PEX5L: variants seen among roughly 807,000 people sequenced by gnomAD.
PEX5L encodes PEX5-related protein.
Under a neutral mutation model 84.0 loss-of-function variants are expected in PEX5L, and 30 were observed. The ratio of observed to expected loss-of-function variants is 0.36; its 90% confidence interval spans 0.27 to 0.48. The LOEUF (loss-of-function observed/expected upper bound fraction) is 0.48. Among genes scored for constraint, PEX5L ranks in the 20% least tolerant of loss-of-function variants. PEX5L has a pLI of 0.99. For synonymous variants in PEX5L, 270 were observed against 283.1 expected (o/e 0.95, Z 0.46); for missense variants, 533 against 754.6 (o/e 0.71, Z 3.44).
At chr3:179,929,161 T>C (rs1386292969) in intron 2 of PEX5L, among the ~76,000 whole-genome samples, 1 of 152,176 alleles carries the variant, frequency 6.6e-6, no homozygotes, top group Non-Finnish European at 1.5e-5. Flanking sequence ...AGTGACATGT[T>C]TAGAAACCCT....
At chr3:179,932,128 A>G in intron 2 of PEX5L, among the ~76,000 whole-genome samples, 1 of 152,288 alleles carries the variant, frequency 6.6e-6, no homozygotes, top group East Asian at 1.9e-4. Flanking sequence ...TAAACAAAAC[A>G]TTATGCAGCT....
intron 8 of PEX5L, among the ~76,000 whole-genome samples, chr3:179,835,709 A>G (rs1734690254): frequency 6.6e-6 from 1 of 152,256 alleles, no homozygotes; most frequent in East Asian, 1.9e-4. Flanking sequence ...TAAATATTTA[A>G]GGAAAATAAA....
At chr3:179,808,178 A>G (rs1365298647) in intron 13 of PEX5L, 94 bp downstream of exon 13, 2 of 1,026,684 alleles carry the variant, frequency 1.9e-6, no homozygotes, top group African/African-American at 1.6e-5. Context: ...GAGTCAGGGA[A>G]ATAAAGTGCA....
chr3:179,962,009 G>A (rs566264583), intron 2 of PEX5L, among the ~76,000 whole-genome samples: 29 of 152,380 alleles, frequency 1.9e-4, no homozygotes, highest in African/African-American at 7.0e-4. Flanking sequence ...TAATCCCAGA[G>A]TAGTTTAGGA....
rs1336939903 is a variant in PEX5L, at chr3:179,797,588, TTAAAAAAAA to T, written c.*4231_*4239del. ...GCCAGAGTTTATCTATGAACACTCT[TTAAAAAAAA>T]AAAAAAAAATATATATATATATATA... On this transcript the variant is annotated 3_prime_UTR_variant, in exon 15 of 15. Coordinates refer to ENST00000467460, the MANE Select transcript of PEX5L (RefSeq NM_016559.3). The T allele has an allele frequency of 1.9e-5, 1 of 51,848 alleles. No homozygotes were observed. The highest frequency in any genetic ancestry group is 6.8e-5 in the African/African-American group (1 of 14,734). The allele number at this position is 51,848 out of a possible 1,614,324, so 3.2% of individuals were successfully genotyped here. A position where few individuals can be genotyped will look rare whatever the true frequency, so the allele number is the denominator to read the frequency against.
intron 9 of PEX5L, among the ~76,000 whole-genome samples, chr3:179,817,066 T>A (rs555283041): frequency 1.3e-5 from 2 of 152,330 alleles, no homozygotes; most frequent in African/African-American, 4.8e-5. Flanking sequence ...ATACTGTATA[T>A]CTGTTTACCT....
At chr3:180,006,695 G>T (rs1000715824) in intron 1 of PEX5L, among the ~76,000 whole-genome samples, 1 of 152,112 alleles carries the variant, frequency 6.6e-6, no homozygotes, top group Non-Finnish European at 1.5e-5. Flanking sequence ...GAGGTGAAAG[G>T]CACTTCTTAC....
chr3:179,968,932 C>T (rs1225901052), intron 2 of PEX5L, among the ~76,000 whole-genome samples: 1 of 151,964 alleles, frequency 6.6e-6, no homozygotes, highest in Non-Finnish European at 1.5e-5. Context: ...TGAAATAACA[C>T]AGAAATCATC....
At chr3:179,898,007 T>C in intron 3 of PEX5L, 135 bp downstream of exon 3, 1 of 504,472 alleles carries the variant, frequency 2.0e-6, no homozygotes, top group Non-Finnish European at 3.5e-6. Context: ...TCTATATTTG[T>C]ATAATTGTTT....
intron 3 of PEX5L, chr3:179,888,152 G>C: frequency 1.5e-6 from 2 of 1,290,512 alleles, no homozygotes; most frequent in Non-Finnish European, 2.0e-6. Context: ...ACCTGGACCA[G>C]TGGCTTCAGA....
intron 2 of PEX5L, among the ~76,000 whole-genome samples, chr3:179,968,150 A>C (rs1256933413): frequency 2.6e-5 from 4 of 152,136 alleles, no homozygotes; most frequent in Non-Finnish European, 5.9e-5. Flanking sequence ...ATAGTCTATA[A>C]ATTTATTAGT....
chr3:179,894,756 C>A (rs970783638), intron 3 of PEX5L, among the ~76,000 whole-genome samples: 1 of 151,758 alleles, frequency 6.6e-6, no homozygotes, highest in African/African-American at 2.4e-5. Context: ...ATAGAAAAAA[C>A]AAAGGCTGGG....
chr3:179,974,070 G>A (rs1361980707), intron 1 of PEX5L: 3 of 985,434 alleles, frequency 3.0e-6, no homozygotes, highest in East Asian at 2.3e-4. Flanking sequence ...TTCCCACTTT[G>A]CTTAGCTCAG....
chr3:180,019,960 C>T (rs143143928), intron 1 of PEX5L, among the ~76,000 whole-genome samples: 1 of 152,152 alleles, frequency 6.6e-6, no homozygotes, highest in African/African-American at 2.4e-5. Flanking sequence ...AATTAGGCTT[C>T]TTAACGAATT....
chr3:179,905,982 A>C (rs1763070603), intron 2 of PEX5L, among the ~76,000 whole-genome samples: 2 of 152,242 alleles, frequency 1.3e-5, no homozygotes, highest in South Asian at 4.1e-4. Context: ...CAACTTTGAT[A>C]GAAGGTGATT....
intron 2 of PEX5L, among the ~76,000 whole-genome samples, chr3:179,954,465 C>T (rs1779991579): frequency 6.6e-6 from 1 of 152,114 alleles, no homozygotes; most frequent in South Asian, 2.1e-4. Flanking sequence ...AAAGAATCAC[C>T]ACAGAAGAAC....
chr3:179,847,969 ATT>A (rs74271170), intron 8 of PEX5L, among the ~76,000 whole-genome samples: 3 of 144,196 alleles, frequency 2.1e-5, no homozygotes, highest in Admixed American at 6.9e-5. Context: ...ACGTTTGGGT[ATT>A]TTTTTTTTTT....
chr3:179,906,179 G>A (rs1026798544), intron 2 of PEX5L, among the ~76,000 whole-genome samples: 1 of 152,080 alleles, frequency 6.6e-6, no homozygotes, highest in African/African-American at 2.4e-5. Context: ...TTTACCATTT[G>A]TTTGTTCTTT....
intron 2 of PEX5L, among the ~76,000 whole-genome samples, chr3:179,920,172 G>C (rs192827616): frequency 1.3e-5 from 2 of 152,182 alleles, no homozygotes; most frequent in African/African-American, 4.8e-5. Flanking sequence ...TGGAAAGAGG[G>C]AGCCTCACAG....
Sources: gnomAD v4.1 joint callset for allele counts (sites outside exome capture counted in the v4.1 genomes callset) on GRCh38, gnomAD v4.1.1 for gene constraint, MANE v1.5 for transcripts, NCBI Gene and HGNC (gene_info 2026-07-23, HGNC 2026-07-21) for gene names.